CDH13: variants seen among roughly 807,000 people sequenced by gnomAD.
CDH13 encodes cadherin 13, also known as cadherin-13.
Under a neutral mutation model 63.8 loss-of-function variants are expected in CDH13, and 24 were observed. That is an observed-to-expected ratio of 0.38 (90% CI 0.27 to 0.53). The LOEUF (loss-of-function observed/expected upper bound fraction) is 0.53. CDH13 is among the 20% of genes least tolerant of loss of function. CDH13 has a pLI of 0.85. For synonymous variants in CDH13, 503 were observed against 355.3 expected (o/e 1.42, Z -4.67); for missense variants, 1,049 against 903.1 (o/e 1.16, Z -2.07).
At chr16:83,508,959 A>C (rs1598184886) in intron 7 of CDH13, among the ~76,000 whole-genome samples, 1 of 149,368 alleles carries the variant, frequency 6.7e-6, no homozygotes, top group African/African-American at 2.5e-5. Flanking sequence ...GAATTTATGC[A>C]TAGGTGTGTA....
chr16:83,771,943 G>A (rs1380534903), intron 11 of CDH13, among the ~76,000 whole-genome samples: 1 of 152,170 alleles, frequency 6.6e-6, no homozygotes, highest in African/African-American at 2.4e-5. Flanking sequence ...CAAAACACAT[G>A]TCTTTCTAAT....
intron 5 of CDH13, among the ~76,000 whole-genome samples, chr16:83,256,718 G>GCA (rs1209059453): frequency 1.3e-5 from 2 of 150,760 alleles, no homozygotes; most frequent in Middle Eastern, 3.5e-3. Flanking sequence ...GGTGGCGGCT[G>GCA]CCTGTAGTCC....
At chr16:83,451,688 T>C (rs1186196502) in intron 6 of CDH13, among the ~76,000 whole-genome samples, 1 of 152,136 alleles carries the variant, frequency 6.6e-6, no homozygotes, top group African/African-American at 2.4e-5. Flanking sequence ...CAGCTAATTT[T>C]TTACTTTTTT....
chr16:83,227,101 T>C (rs1421866846), intron 5 of CDH13, among the ~76,000 whole-genome samples: 1 of 152,164 alleles, frequency 6.6e-6, no homozygotes, highest in Non-Finnish European at 1.5e-5. Flanking sequence ...AGTCATGTTT[T>C]ACGAAAGACT....
At chr16:83,250,769 A>C (rs1173964834) in intron 5 of CDH13, among the ~76,000 whole-genome samples, 1 of 152,172 alleles carries the variant, frequency 6.6e-6, no homozygotes, top group Non-Finnish European at 1.5e-5. Flanking sequence ...TGCACATAGG[A>C]AGCACTGTAG....
At chr16:83,174,339 G>C (rs9939394) in intron 4 of CDH13, among the ~76,000 whole-genome samples, 25,029 of 151,916 alleles carry the variant, frequency 0.16, 2,819 homozygotes, top group African/African-American at 0.3. Context: ...CTTCTTACTT[G>C]GCACTATCTT....
chr16:83,128,187 G>A (rs146961725), intron 4 of CDH13, among the ~76,000 whole-genome samples: 1 of 152,050 alleles, frequency 6.6e-6, no homozygotes, highest in Non-Finnish European at 1.5e-5. Context: ...CCACTGGGGT[G>A]GGGGTGAGGA....
intron 6 of CDH13, among the ~76,000 whole-genome samples, chr16:83,384,736 A>C (rs137959881): frequency 1.7e-3 from 261 of 152,338 alleles, no homozygotes; most frequent in African/African-American, 6.1e-3. Context: ...ATGTGGATCA[A>C]TGTGGACTAA....
chr16:83,199,885 C>T (rs746312192), intron 4 of CDH13, among the ~76,000 whole-genome samples: 10 of 152,102 alleles, frequency 6.6e-5, no homozygotes, highest in Non-Finnish European at 1.5e-4. Context: ...CACATTAGAG[C>T]CAGCGTACAA....
chr16:82,771,235 G>T (rs1025500592), intron 1 of CDH13, among the ~76,000 whole-genome samples: 20 of 152,120 alleles, frequency 1.3e-4, no homozygotes, highest in African/African-American at 4.6e-4. Context: ...GTGCTTTCCA[G>T]TTTTTTACAA....
At chr16:82,736,069 A>G (rs767781954) in intron 1 of CDH13, among the ~76,000 whole-genome samples, 18 of 152,244 alleles carry the variant, frequency 1.2e-4, no homozygotes, top group African/African-American at 2.2e-4. Context: ...CCTGAAGTGC[A>G]TAAGAAATTA....
At chr16:83,742,015 G>C (rs1290326974) in intron 10 of CDH13, among the ~76,000 whole-genome samples, 1 of 152,212 alleles carries the variant, frequency 6.6e-6, no homozygotes. Flanking sequence ...GTGCCAAAGA[G>C]GTTGGGGACT....
chr16:83,659,403 G>C (rs1179817319), intron 8 of CDH13, among the ~76,000 whole-genome samples: 1 of 152,234 alleles, frequency 6.6e-6, no homozygotes, highest in Non-Finnish European at 1.5e-5. Flanking sequence ...CTCAACACCA[G>C]GTCCCATGTC....
chr16:83,778,413 C>G (rs61012546), intron 11 of CDH13, among the ~76,000 whole-genome samples: 30,547 of 151,756 alleles, frequency 0.2, 3,994 homozygotes, highest in East Asian at 0.62. Flanking sequence ...ACCTGTAATC[C>G]CAGCTACTTG....
chr16:83,201,617 G>GC (rs1441300380), intron 4 of CDH13, among the ~76,000 whole-genome samples: 46 of 152,218 alleles, frequency 3.0e-4, no homozygotes, highest in Non-Finnish European at 2.9e-5. Flanking sequence ...AGTAACGTTG[G>GC]CTGGGCACGG....
chr16:82,906,621 C>G (rs1254708314), intron 2 of CDH13, among the ~76,000 whole-genome samples: 2 of 152,156 alleles, frequency 1.3e-5, no homozygotes, highest in East Asian at 3.9e-4. Context: ...TTTCCGAGAG[C>G]TGGAGTAACA....
intron 6 of CDH13, among the ~76,000 whole-genome samples, chr16:83,345,806 CCATATTAAGAGTAT>C (rs907120944): frequency 3.9e-5 from 6 of 152,124 alleles, no homozygotes; most frequent in South Asian, 2.1e-4. Flanking sequence ...AAAAAAAACA[CCATATTAAGAGTAT>C]CATATTAAGA....
chr16:82,723,636 T>C (rs1240667668), intron 1 of CDH13, among the ~76,000 whole-genome samples: 1 of 152,224 alleles, frequency 6.6e-6, no homozygotes, highest in Non-Finnish European at 1.5e-5. Flanking sequence ...CAAGGAGTTG[T>C]CAATCATCCA....
rs561579188 is a variant in CDH13 at position 83,307,554 on chromosome 16, G to A, written c.637-37308G>A. ...GGAGCACCAAATCCTTCAGGGCCAG[G>A]AAAGCTCTATTTAACCATGAATTTC... On this transcript the variant is annotated intron_variant, in intron 5 of 13. Transcript: ENST00000567109. 1.0e-3 allele frequency among the ~76,000 whole-genome samples: 152 copies of A among 152,274 alleles called. 3 individuals carry two copies. In the South Asian group the frequency reaches 0.023, roughly 23 times the overall value.
Sources: allele counts gnomAD v4.1 joint callset (sites outside exome capture counted in the v4.1 genomes callset), GRCh38; gene constraint gnomAD v4.1.1; transcripts MANE v1.5; gene names NCBI Gene and HGNC (gene_info 2026-07-23, HGNC 2026-07-21).